MAP2: variants seen among roughly 807,000 people sequenced by gnomAD.
MAP2 encodes the protein microtubule associated protein 2.
Under a neutral mutation model 137.6 loss-of-function variants are expected in MAP2, and 14 were observed. The observed-to-expected ratio is 0.10, with a 90% CI of 0.07 to 0.16. MAP2 has a LOEUF of 0.16. Among genes scored for constraint, MAP2 ranks in the 10% least tolerant of loss-of-function variants. The probability of loss-of-function intolerance (pLI) is 1.00; values close to 1 mark genes in which losing one functional copy is unlikely to be tolerated. For missense variants in MAP2, 2,088 were observed against 2,191.5 expected (o/e 0.95, Z 0.94); for synonymous variants, 786 against 782.3 (o/e 1.00, Z -0.08).
At chr2:209,685,421 A>G (rs746652947) in intron 7 of MAP2, among the ~76,000 whole-genome samples, 1 of 152,146 alleles carries the variant, frequency 6.6e-6, no homozygotes, top group Non-Finnish European at 1.5e-5. Context: ...TTCTGTCATT[A>G]TCATTAAAAT....
At chr2:209,703,792 A>T (rs566667706) in intron 11 of MAP2, among the ~76,000 whole-genome samples, 2 of 152,072 alleles carry the variant, frequency 1.3e-5, no homozygotes, top group Admixed American at 6.6e-5. Context: ...CCCACTCATC[A>T]TTTATTCAGC....
chr2:209,489,976 C>A (rs982274572), intron 1 of MAP2, among the ~76,000 whole-genome samples: 1 of 150,792 alleles, frequency 6.6e-6, no homozygotes, highest in Non-Finnish European at 1.5e-5. Flanking sequence ...GAGCAATAAT[C>A]GTTAGATTCA....
chr2:209,541,738 G>A (rs1020914339), intron 2 of MAP2, among the ~76,000 whole-genome samples: 6 of 152,128 alleles, frequency 3.9e-5, no homozygotes, highest in African/African-American at 7.2e-5. Context: ...TTTTGTTAAG[G>A]TTTTCTTATG....
intron 2 of MAP2, among the ~76,000 whole-genome samples, chr2:209,537,124 C>T (rs1012368233): frequency 6.6e-6 from 1 of 152,174 alleles, no homozygotes; most frequent in African/African-American, 2.4e-5. Flanking sequence ...TTATATTAAG[C>T]AAGTCTGTCA....
intron 1 of MAP2, among the ~76,000 whole-genome samples, chr2:209,437,011 C>T (rs1371534622): frequency 6.6e-6 from 1 of 151,686 alleles, no homozygotes; most frequent in Non-Finnish European, 1.5e-5. Context: ...ATTCACTTTT[C>T]AGAAGGAAAA....
In MAP2 at chr2:209,693,642, C is replaced by T. The variant is rs2059500044; in HGVS notation, c.1472C>T (p.Thr491Ile). Residue 491 changes from threonine (T) to isoleucine (I), a missense_variant, in exon 8 of 16, where the codon ACA becomes ATA. This residue lies in a region of MAP2 where 859 missense variants were observed against 794.5 expected (regional missense o/e 1.08). Coordinates refer to ENST00000682079, the MANE Select transcript of MAP2 (RefSeq NM_001375505.1). ...FSEQKDQEPT[T>I]DMLKQDSFPV... ...GAACAGAAAGACCAAGAGCCTACCA[C>T]AGATATGTTGAAACAGGACTCGTTC... 6.2e-7 allele frequency: 1 copy of T among 1,613,944 alleles called. No individual in the cohort carries two copies. Among genetic ancestry groups the T allele is most frequent in the Non-Finnish European group, 8.5e-7 (1 of 1,180,004 alleles).
At chr2:209,707,461 G>A (rs571154921) in intron 12 of MAP2, among the ~76,000 whole-genome samples, 2 of 152,196 alleles carry the variant, frequency 1.3e-5, no homozygotes, top group Admixed American at 6.5e-5. Flanking sequence ...ATGGTACACA[G>A]GGATGTTCTA....
intron 7 of MAP2, among the ~76,000 whole-genome samples, chr2:209,689,806 A>G (rs898018354): frequency 6.6e-6 from 1 of 152,218 alleles, no homozygotes; most frequent in Non-Finnish European, 1.5e-5. Flanking sequence ...GTTTAACAAT[A>G]TGATAATAGT....
intron 2 of MAP2, among the ~76,000 whole-genome samples, chr2:209,508,253 AT>A (rs1433512217): frequency 2.6e-5 from 4 of 151,030 alleles, no homozygotes; most frequent in East Asian, 1.9e-4. Context: ...TATGCCTTCT[AT>A]TTTTTTTCAA....
intron 9 of MAP2, 24 bp from the exon 10 acceptor site, chr2:209,696,893 C>A: frequency 6.3e-7 from 1 of 1,582,394 alleles, no homozygotes; most frequent in Non-Finnish European, 8.5e-7. Flanking sequence ...TGATGGTATG[C>A]TTTTTGTGTT....
intron 3 of MAP2, among the ~76,000 whole-genome samples, chr2:209,604,661 A>G (rs1424301669): frequency 6.6e-6 from 1 of 152,166 alleles, no homozygotes; most frequent in African/African-American, 2.4e-5. Context: ...TTCAAATTGT[A>G]CACATAGGCA....
At chr2:209,678,295 T>C (rs367838541) in intron 5 of MAP2, among the ~76,000 whole-genome samples, 5 of 152,050 alleles carry the variant, frequency 3.3e-5, no homozygotes, top group Non-Finnish European at 1.5e-5. Flanking sequence ...TAAATTTCTG[T>C]TGTTGAAGCC....
chr2:209,723,804 C>G (rs1183391861), intron 13 of MAP2: 2 of 674,950 alleles, frequency 3.0e-6, no homozygotes, highest in East Asian at 5.4e-5. Context: ...CACTGCTGTT[C>G]CACATGTCTC....
intron 3 of MAP2, among the ~76,000 whole-genome samples, chr2:209,623,278 AT>A (rs1157483239): frequency 6.6e-6 from 1 of 152,122 alleles, no homozygotes; most frequent in South Asian, 2.1e-4. Flanking sequence ...AAAGCACTGT[AT>A]TTTTTAAAAA....
Position 209,461,951 on chromosome 2 carries a change from C to A in MAP2, c.-222+37675C>A, listed in dbSNP as rs1030360306. Among the ~76,000 whole-genome samples, 13 of 152,162 alleles carry A rather than the reference C, an allele frequency of 8.5e-5. No homozygotes were observed. In the South Asian group the frequency reaches 1.9e-3, roughly 22 times the overall value. Reference sequence around the variant, plus strand: ...GGAATTTAATCCAGATATAATCTGGCAGAAAACCTTCCCTGGCCTTTACTC... The same window carrying A: ...GGAATTTAATCCAGATATAATCTGGAAGAAAACCTTCCCTGGCCTTTACTC... On this transcript the variant is annotated intron_variant, in intron 1 of 15. Transcript: ENST00000682079.
intron 2 of MAP2, among the ~76,000 whole-genome samples, chr2:209,559,479 CAAAAAAAAAA>C (rs59788211): frequency 5.3e-5 from 2 of 37,544 alleles, no homozygotes; most frequent in African/African-American, 7.8e-5. Flanking sequence ...GCCAAAAATA[CAAAAAAAAAA>C]AAAAAAAAAA....
intron 14 of MAP2, among the ~76,000 whole-genome samples, chr2:209,727,823 C>G (rs1418992118): frequency 1.3e-5 from 2 of 152,172 alleles, no homozygotes; most frequent in African/African-American, 2.4e-5. Flanking sequence ...TCTGGATTCT[C>G]TAACAGTTGC....
intron 1 of MAP2, among the ~76,000 whole-genome samples, chr2:209,482,561 A>G (rs948053672): frequency 6.6e-6 from 1 of 152,190 alleles, no homozygotes; most frequent in Non-Finnish European, 1.5e-5. Flanking sequence ...ATTTTTGCAA[A>G]CATATTACTG....
Position 209,565,393 on chromosome 2 carries a change from T to A in MAP2, c.-171-14643T>A, listed in dbSNP as rs943950465. Among the ~76,000 whole-genome samples the A allele has an allele frequency of 3.3e-5, 5 of 152,004 alleles. No individual in the cohort carries two copies. In the East Asian group the frequency reaches 7.7e-4, roughly 24 times the overall value. ...CTACCATGCCAGCTAATTTTTTTTT[T>A]AATTTTTGTAGAAACAGGGTCTCTC... On this transcript the variant is annotated intron_variant, in intron 2 of 15. Transcript: ENST00000682079.
Sources: gnomAD v4.1 joint callset for allele counts (sites outside exome capture counted in the v4.1 genomes callset) on GRCh38, gnomAD v4.1.1 for gene constraint, gnomAD v4.1.1 regional missense constraint, MANE v1.5 for transcripts, NCBI Gene and HGNC (gene_info 2026-07-23, HGNC 2026-07-21) for gene names.